Variants in PGM5 observed in about 807,000 individuals in gnomAD.
PGM5 encodes the protein phosphoglucomutase 5.
Under a neutral mutation model 59.2 loss-of-function variants are expected in PGM5, and 23 were observed. That is an observed-to-expected ratio of 0.39 (90% CI 0.28 to 0.55). The LOEUF (loss-of-function observed/expected upper bound fraction) is 0.55. Among genes scored for constraint, PGM5 ranks in the 20% least tolerant of loss-of-function variants. PGM5 has a pLI of 0.66. For synonymous variants in PGM5, 214 were observed against 286.0 expected (o/e 0.75, Z 2.54); for missense variants, 574 against 748.3 (o/e 0.77, Z 2.72).
chr9:68,523,351 G>A (rs1263672641), intron 10 of PGM5, among the ~76,000 whole-genome samples: 1 of 152,144 alleles, frequency 6.6e-6, no homozygotes, highest in Non-Finnish European at 1.5e-5. Context: ...CAGTTCTTGG[G>A]CCCCAACCCA....
At chr9:68,464,958 A>G in intron 6 of PGM5, 135 bp from the exon 7 acceptor site, 1 of 540,618 alleles carries the variant, frequency 1.8e-6, no homozygotes, top group Non-Finnish European at 3.3e-6. Context: ...ATATCCTGAA[A>G]TCTGTCAACA....
intron 6 of PGM5, among the ~76,000 whole-genome samples, chr9:68,393,094 CT>C (rs1426940311): frequency 6.6e-6 from 1 of 151,892 alleles, no homozygotes; most frequent in Non-Finnish European, 1.5e-5. Flanking sequence ...CTATCCATCC[CT>C]CTTGTCTATC....
At chr9:68,468,011 C>T (rs186689029) in intron 7 of PGM5, among the ~76,000 whole-genome samples, 1 of 141,644 alleles carries the variant, frequency 7.1e-6, no homozygotes, top group African/African-American at 3.0e-5. Context: ...AAACCTACAA[C>T]CCACCCTCCC....
At chr9:68,497,545 T>C (rs1243958767) in intron 9 of PGM5, 7 of 152,182 alleles carry the variant, frequency 4.6e-5, no homozygotes, top group Non-Finnish European at 7.4e-5. Context: ...GATGGAACCA[T>C]AGTGTCTCCC....
chr9:68,410,967 A>G (rs1822919331), intron 6 of PGM5, among the ~76,000 whole-genome samples: 1 of 152,164 alleles, frequency 6.6e-6, no homozygotes, highest in Non-Finnish European at 1.5e-5. Context: ...CCTTGATGAG[A>G]TTTCCTCATG....
intron 9 of PGM5, among the ~76,000 whole-genome samples, chr9:68,489,618 C>A (rs1254397808): frequency 2.6e-5 from 4 of 151,930 alleles, no homozygotes; most frequent in Non-Finnish European, 4.4e-5. Context: ...GCGTGCACCA[C>A]CACGCCCAGC....
chr9:68,374,884 T>C (rs1821839294), intron 1 of PGM5, among the ~76,000 whole-genome samples: 1 of 152,236 alleles, frequency 6.6e-6, no homozygotes, highest in Admixed American at 6.5e-5. Flanking sequence ...AATTAGATGG[T>C]AATATGTGTG....
At chr9:68,479,608 A>G (rs1824160755) in intron 8 of PGM5, 55 bp downstream of exon 8, 4 of 1,569,086 alleles carry the variant, frequency 2.5e-6, no homozygotes, top group African/African-American at 1.4e-5. Context: ...CTCCTAGAAC[A>G]GGTTTCTAAA....
In PGM5 at chr9:68,373,964, T is replaced by G. The variant is rs1821807521; in HGVS notation, c.262-4235T>G. 2.6e-5 allele frequency among the ~76,000 whole-genome samples: 4 copies of G among 152,276 alleles called. No individual in the cohort carries two copies. In the South Asian group the frequency reaches 8.3e-4, roughly 32 times the overall value. On this transcript the variant is annotated intron_variant, in intron 1 of 10. Transcript: ENST00000396396. ...TCCTCAGCCTAGAAGAAACACACATTACTTCTGTTCTCATTCTCATACTAG... is the reference window on the plus strand; with the variant it reads ...TCCTCAGCCTAGAAGAAACACACATGACTTCTGTTCTCATTCTCATACTAG...
intron 2 of PGM5, among the ~76,000 whole-genome samples, chr9:68,380,859 A>G (rs1304520979): frequency 6.6e-6 from 1 of 151,918 alleles, no homozygotes; most frequent in Non-Finnish European, 1.5e-5. Context: ...TTCTAGAAAA[A>G]CTAACCCAAC....
Position 68,384,536 on chromosome 9 carries a change from C to G in PGM5, c.563C>G (p.Pro188Arg). 17 of 1,607,136 alleles carry G rather than the reference C, an allele frequency of 1.1e-5. No individual in the cohort carries two copies. The highest frequency in any genetic ancestry group is 1.4e-5 in the Non-Finnish European group (16 of 1,175,804). ...TTTGACCTAGAAAACAAATTCAAACCATTCAGAGGTAACAGAGATTTTATT... is the reference window on the plus strand; with the variant it reads ...TTTGACCTAGAAAACAAATTCAAACGATTCAGAGGTAACAGAGATTTTATT... ...QEFDLENKFK[P>R]FRVEIVDPVD... The change falls in exon 3 of 11, where the codon CCA becomes CGA. Residue 188 changes from proline to arginine, a missense_variant. By Grantham distance (103) the Pro-to-Arg change is moderately radical. Around this residue, in one of 7 missense-constraint regions of PGM5, gnomAD observed 103 missense variants for 112.4 expected, o/e 0.92. Coordinates refer to ENST00000396396, the MANE Select transcript of PGM5 (RefSeq NM_021965.4).
At chr9:68,402,033 C>T (rs1554680701) in intron 6 of PGM5, among the ~76,000 whole-genome samples, 1 of 152,014 alleles carries the variant, frequency 6.6e-6, no homozygotes, top group Non-Finnish European at 1.5e-5. Context: ...GAGGCTGAGG[C>T]AGGAGGATCA....
At chr9:68,421,138 C>T (rs115851766) in intron 6 of PGM5, among the ~76,000 whole-genome samples, 4,057 of 152,260 alleles carry the variant, frequency 0.027, 83 homozygotes, top group African/African-American at 0.066. Flanking sequence ...AAAGGGGAGA[C>T]GAGGTGTGTA....
intron 10 of PGM5, among the ~76,000 whole-genome samples, chr9:68,525,487 C>T (rs1824957951): frequency 6.6e-6 from 1 of 152,156 alleles, no homozygotes; most frequent in Admixed American, 6.5e-5. Context: ...TAGAAACCTG[C>T]TACATGGCAC....
At chr9:68,453,787 G>A (rs1174924381) in intron 6 of PGM5, among the ~76,000 whole-genome samples, 2 of 152,194 alleles carry the variant, frequency 1.3e-5, no homozygotes, top group East Asian at 3.8e-4. Context: ...GTGTCTTTAA[G>A]CACTTACCTT....
In PGM5 at chr9:68,376,851, CTCTTTCTTTCTTT is replaced by C. The variant is rs1563984937; in HGVS notation, c.262-1346_262-1334del. Among the ~76,000 whole-genome samples the C allele has an allele frequency of 6.8e-4, 56 of 81,868 alleles. 1 individual carries two copies. The highest frequency in any genetic ancestry group is 1.9e-3 in the African/African-American group (43 of 22,670). The allele number at this position is 81,868 out of a possible 152,430, so 53.7% of individuals were successfully genotyped here. On this transcript the variant is annotated intron_variant, in intron 1 of 10. Transcript: ENST00000396396. Reference sequence around the variant, plus strand: ...TTTCTTTCTCTTTCTTTCTTTCTTTCTCTTTCTTTCTTTTTTCTTTCTCTTTCTTTCTTTTTTT... The same window carrying C: ...TTTCTTTCTCTTTCTTTCTTTCTTTCTTTCTTTCTCTTTCTTTCTTTTTTT...
intron 6 of PGM5, among the ~76,000 whole-genome samples, chr9:68,436,153 T>G (rs1457793174): frequency 6.6e-6 from 1 of 152,184 alleles, no homozygotes; most frequent in South Asian, 2.1e-4. Context: ...ACTTCACCCT[T>G]GAGCCATAAC....
chr9:68,516,263 T>G (rs762533219), intron 10 of PGM5, among the ~76,000 whole-genome samples: 2 of 152,218 alleles, frequency 1.3e-5, no homozygotes, highest in Non-Finnish European at 2.9e-5. Flanking sequence ...ATCTTCAATC[T>G]GGCATAGTTA....
Position 68,499,252 on chromosome 9 carries a change from C to T in PGM5, c.1505C>T (p.Ala502Val). The T allele has an allele frequency of 1.2e-6, 2 of 1,614,202 alleles. No homozygotes were observed. The highest frequency in any genetic ancestry group is 1.7e-6 in the Non-Finnish European group (2 of 1,180,030). ...GGCCTAAGGATCATTTTCTCGGATGCATCACGGCTCATCTTCCGGCTCAGT... is the reference window on the plus strand; with the variant it reads ...GGCCTAAGGATCATTTTCTCGGATGTATCACGGCTCATCTTCCGGCTCAGT... Reference protein sequence around the residue: ...KQGLRIIFSDASRLIFRLSSS... With the variant: ...KQGLRIIFSDVSRLIFRLSSS... The change falls in exon 10 of 11, where the codon GCA (alanine) becomes GTA (valine). Residue 502 changes from alanine to valine, a missense_variant. Physicochemically the swap from Ala to Val is moderately conservative, Grantham distance 64 (BLOSUM62 0). Transcript: ENST00000396396.
Sources: allele counts gnomAD v4.1 joint callset (sites outside exome capture counted in the v4.1 genomes callset), GRCh38; gene constraint gnomAD v4.1.1; regional missense constraint gnomAD v4.1.1; transcripts MANE v1.5; gene names NCBI Gene and HGNC (gene_info 2026-07-23, HGNC 2026-07-21).